The following CPPED1 variants were observed in gnomAD, a reference collection of about 807,000 sequenced individuals.
CPPED1 encodes the protein serine/threonine-protein phosphatase CPPED1.
CPPED1 carries 28 observed loss-of-function variants against 28.0 expected under a neutral mutation model. That is an observed-to-expected ratio of 1.00 (90% CI 0.74 to 1.37). CPPED1 has a LOEUF of 1.37. Among genes scored for constraint, CPPED1 ranks in the 40% most tolerant of loss-of-function variants. The pLI, the probability that CPPED1 is intolerant of heterozygous loss-of-function variation, is 0.00. For synonymous variants in CPPED1, 198 were observed against 180.2 expected, an observed-to-expected ratio of 1.10 and a Z score of -0.79; for missense variants, 504 against 416.5, an observed-to-expected ratio of 1.21 and a Z score of -1.83.
intron 1 of CPPED1, among the ~76,000 whole-genome samples, chr16:12,800,994 G>C (rs910667506): frequency 8.5e-5 from 13 of 152,158 alleles, no homozygotes; most frequent in Non-Finnish European, 1.9e-4. Context: ...AAGCCTCTGA[G>C]AGCATGTAAC....
chr16:12,690,772 A>G (rs2079958425), intron 3 of CPPED1, among the ~76,000 whole-genome samples: 1 of 152,118 alleles, frequency 6.6e-6, no homozygotes, highest in African/African-American at 2.4e-5. Flanking sequence ...TGAAAGAAAA[A>G]TTCCTGCTTG....
intron 2 of CPPED1, among the ~76,000 whole-genome samples, chr16:12,715,716 C>T (rs185967875): frequency 9.2e-5 from 14 of 151,982 alleles, no homozygotes; most frequent in Admixed American, 2.6e-4. Context: ...TTAGTAGAGA[C>T]GGAGTTTCTC....
intron 3 of CPPED1, among the ~76,000 whole-genome samples, chr16:12,668,891 A>G (rs769765059): frequency 8.5e-5 from 13 of 152,256 alleles, no homozygotes; most frequent in Non-Finnish European, 1.8e-4. Context: ...GGGAAAGTAA[A>G]ATGGTACAGT....
intron 3 of CPPED1, among the ~76,000 whole-genome samples, chr16:12,686,057 CCA>C (rs60737240): frequency 0.015 from 2,247 of 152,174 alleles, 49 homozygotes; most frequent in African/African-American, 0.05. Context: ...GGCCCTCTGT[CCA>C]CACAGAGAAC....
chr16:12,773,092 G>C (rs2080478808), intron 2 of CPPED1, among the ~76,000 whole-genome samples: 1 of 152,180 alleles, frequency 6.6e-6, no homozygotes, highest in Non-Finnish European at 1.5e-5. Flanking sequence ...TGAGATGGTA[G>C]GTAAGGGGTT....
chr16:12,754,184 C>G (rs1567296722), intron 2 of CPPED1, among the ~76,000 whole-genome samples: 1 of 152,074 alleles, frequency 6.6e-6, no homozygotes, highest in South Asian at 2.1e-4. Context: ...TTGAACCCAC[C>G]CATTTGAGGG....
chr16:12,747,627 T>A (rs530723818), intron 2 of CPPED1, among the ~76,000 whole-genome samples: 1 of 152,046 alleles, frequency 6.6e-6, no homozygotes, highest in Non-Finnish European at 1.5e-5. Context: ...CCATGTTGCC[T>A]GTCTGGTCTC....
chr16:12,706,226 C>A (rs1159438700), intron 2 of CPPED1, among the ~76,000 whole-genome samples: 2 of 151,800 alleles, frequency 1.3e-5, no homozygotes, highest in African/African-American at 2.4e-5. Context: ...AAAAGCCTCA[C>A]ATGTATTCAT....
chr16:12,667,054 C>T (rs1650997), intron 3 of CPPED1, among the ~76,000 whole-genome samples: 132,782 of 149,768 alleles, frequency 0.89, 59,416 homozygotes, highest in African/African-American at 0.93. Flanking sequence ...TGGTCCTGAA[C>T]GGGGGTGGGG....
chr16:12,706,178 T>C (rs1230383832), intron 2 of CPPED1, among the ~76,000 whole-genome samples: 1 of 152,034 alleles, frequency 6.6e-6, no homozygotes, highest in Admixed American at 6.5e-5. Flanking sequence ...AAGTTAATAA[T>C]ATAAGGCACA....
intron 3 of CPPED1, among the ~76,000 whole-genome samples, chr16:12,700,039 A>G (rs965944413): frequency 6.6e-6 from 1 of 152,188 alleles, no homozygotes; most frequent in Admixed American, 6.5e-5. Context: ...CCTGCAGCGG[A>G]GAGCCTCCAC....
intron 2 of CPPED1, among the ~76,000 whole-genome samples, chr16:12,765,612 G>A (rs996904922): frequency 2.3e-4 from 35 of 152,296 alleles, no homozygotes; most frequent in African/African-American, 7.0e-4. Context: ...TATGGATGAT[G>A]ACAGTGGTAT....
chr16:12,731,506 C>T (rs1481052344), intron 2 of CPPED1, among the ~76,000 whole-genome samples: 1 of 151,988 alleles, frequency 6.6e-6, no homozygotes, highest in Non-Finnish European at 1.5e-5. Flanking sequence ...GAGTCTTTTC[C>T]TTCCATTTGG....
chr16:12,723,589 T>G (rs1022339358), intron 2 of CPPED1, among the ~76,000 whole-genome samples: 9 of 152,032 alleles, frequency 5.9e-5, no homozygotes, highest in Non-Finnish European at 1.0e-4. Flanking sequence ...TACCAACACT[T>G]TGGTCTCAGG....
At chr16:12,694,937 C>T (rs2079982428) in intron 3 of CPPED1, among the ~76,000 whole-genome samples, 1 of 151,994 alleles carries the variant, frequency 6.6e-6, no homozygotes, top group Admixed American at 6.6e-5. Flanking sequence ...GCCACCACAC[C>T]CTGCTAATTT....
At chr16:12,754,331 TC>T (rs1488360953) in intron 2 of CPPED1, among the ~76,000 whole-genome samples, 1 of 152,188 alleles carries the variant, frequency 6.6e-6, no homozygotes, top group Non-Finnish European at 1.5e-5. Flanking sequence ...CAACTTTATT[TC>T]ACCAGCAGCT....
intron 2 of CPPED1, 61 bp downstream of exon 2, chr16:12,781,124 C>G (rs1160498041): frequency 4.1e-6 from 6 of 1,479,008 alleles, no homozygotes; most frequent in Non-Finnish European, 5.6e-6. Flanking sequence ...TTTTCTCCTG[C>G]CCAAATGCAG....
chr16:12,764,452 C>T (rs571387231), intron 2 of CPPED1, among the ~76,000 whole-genome samples: 1 of 152,132 alleles, frequency 6.6e-6, no homozygotes, highest in Admixed American at 6.6e-5. Context: ...ATCTGCCCAC[C>T]TTGGCCTCTC....
intron 3 of CPPED1, among the ~76,000 whole-genome samples, chr16:12,699,551 A>G (rs1216506823): frequency 6.6e-6 from 1 of 152,170 alleles, no homozygotes; most frequent in African/African-American, 2.4e-5. Context: ...TTATTAAATC[A>G]TTTATTCATC....
Sources: allele counts gnomAD v4.1 joint callset (sites outside exome capture counted in the v4.1 genomes callset), GRCh38; gene constraint gnomAD v4.1.1; transcripts MANE v1.5; gene names NCBI Gene and HGNC (gene_info 2026-07-23, HGNC 2026-07-21).